Variants in IFRD1 observed in about 807,000 individuals in gnomAD.
IFRD1 encodes the protein interferon related developmental regulator 1.
A neutral mutation model predicts 52.9 loss-of-function variants in IFRD1; 35 were observed. The ratio of observed to expected loss-of-function variants is 0.66; its 90% confidence interval spans 0.51 to 0.88. The LOEUF (loss-of-function observed/expected upper bound fraction) is 0.88. Among genes scored for constraint, IFRD1 ranks in the 40% least tolerant of loss-of-function variants. The probability of loss-of-function intolerance (pLI) is 0.00; values close to 1 mark genes in which losing one functional copy is unlikely to be tolerated. For synonymous variants in IFRD1, 184 were observed against 188.4 expected, an observed-to-expected ratio of 0.98 and a Z score of 0.19; for missense variants, 517 against 550.8, an observed-to-expected ratio of 0.94 and a Z score of 0.61.
chr7:112,429,912 C>T (rs1794511009), intron 1 of IFRD1, among the ~76,000 whole-genome samples: 1 of 152,174 alleles, frequency 6.6e-6, no homozygotes, highest in Non-Finnish European at 1.5e-5. Context: ...TAGAATGTTA[C>T]TATTAGAAGA....
chr7:112,439,772 A>G (rs1294853961), intron 1 of IFRD1, among the ~76,000 whole-genome samples: 1 of 152,118 alleles, frequency 6.6e-6, no homozygotes, highest in Non-Finnish European at 1.5e-5. Flanking sequence ...AGAATAAACC[A>G]TTTATAAGAG....
chr7:112,462,152 T>C lies in IFRD1; in HGVS notation c.770T>C (p.Ile257Thr). 6.2e-7 allele frequency: 1 copy of C among 1,613,890 alleles called. No individual in the cohort carries two copies. ...ACACTACTGCTGACCATATGCCCAA[T>C]CAATGAAGTGAAGAAAAAGCTTGAG... ...AWTLLLTICP[I>T]NEVKKKLEMH... Residue 257 changes from isoleucine to threonine, a missense_variant, in exon 7 of 12, where the codon ATC becomes ACC. Transcript: ENST00000403825.
At position 112,461,853 on chromosome 7, in the gene IFRD1, T is replaced by TA. The variant is rs201401143; in HGVS notation, c.568-13_568-12insA. On this transcript the variant is annotated splice_polypyrimidine_tract_variant and intron_variant, in intron 5 of 11. Coordinates refer to ENST00000403825, the MANE Select transcript of IFRD1 (RefSeq NM_001550.4). ...AATCATTAATGTCTATATATATATA[T>TA]TTTTTTTTTTAGTGTGCAACTTGCT... 4.6e-3 allele frequency: 2,552 copies of TA among 549,040 alleles called. 2 individuals are homozygous for TA. The highest frequency in any genetic ancestry group is 8.8e-3 in the Middle Eastern group (13 of 1,472). 34.0% of individuals were successfully genotyped at this position (549,040 alleles called of 1,614,324 possible).
At chr7:112,451,897 C>G (rs1795175531) in intron 1 of IFRD1, among the ~76,000 whole-genome samples, 1 of 152,074 alleles carries the variant, frequency 6.6e-6, no homozygotes, top group Non-Finnish European at 1.5e-5. Context: ...TGCCTTTGTT[C>G]ACAAGAAAAG....
chr7:112,455,945 A>AT (rs1795281098), intron 2 of IFRD1, 57 bp from the exon 3 acceptor site: 1 of 1,440,656 alleles, frequency 6.9e-7, no homozygotes, highest in Admixed American at 1.7e-5. Context: ...AAAGTATACT[A>AT]TTATTCCCTG....
chr7:112,473,309 T>C (rs1795811745), intron 11 of IFRD1, among the ~76,000 whole-genome samples: 1 of 152,196 alleles, frequency 6.6e-6, no homozygotes, highest in Non-Finnish European at 1.5e-5. Flanking sequence ...TAAGAATAAG[T>C]ATTTACATAG....
intron 1 of IFRD1, among the ~76,000 whole-genome samples, chr7:112,437,995 G>A (rs1794752550): frequency 6.6e-6 from 1 of 152,210 alleles, no homozygotes; most frequent in African/African-American, 2.4e-5. Flanking sequence ...TAATGCCAAA[G>A]AAGAAACAGG....
At chr7:112,446,534 G>C (rs907757960), upstream of IFRD1, among the ~76,000 whole-genome samples, 1 of 152,192 alleles carries the variant, frequency 6.6e-6, no homozygotes, top group East Asian at 1.9e-4. Flanking sequence ...TAAGTAGTGC[G>C]ATGTACTTTG....
At chr7:112,446,282 G>T (rs1479583279), upstream of IFRD1, 1 of 221,834 alleles carries the variant, frequency 4.5e-6, no homozygotes, top group South Asian at 7.1e-5. Context: ...AGATGAAGGC[G>T]ACTTATTTTG....
intron 1 of IFRD1, chr7:112,452,114 A>G (rs1220114536): frequency 2.0e-6 from 2 of 982,014 alleles, no homozygotes; most frequent in Non-Finnish European, 2.4e-6. Flanking sequence ...AAAATATGTA[A>G]TTTATTGTGG....
chr7:112,454,018 T>G (rs906164169), intron 1 of IFRD1, among the ~76,000 whole-genome samples: 1 of 152,204 alleles, frequency 6.6e-6, no homozygotes, highest in African/African-American at 2.4e-5. Flanking sequence ...CGGTCACTTT[T>G]GGGGCAGAAT....
chr7:112,438,783 C>A (rs1302140727), intron 1 of IFRD1, among the ~76,000 whole-genome samples: 1 of 151,990 alleles, frequency 6.6e-6, no homozygotes, highest in Non-Finnish European at 1.5e-5. Context: ...TGTTTTATTC[C>A]CTCAGTTTTT....
chr7:112,427,907 G>T (rs1487380375), intron 1 of IFRD1, among the ~76,000 whole-genome samples: 1 of 152,140 alleles, frequency 6.6e-6, no homozygotes, highest in East Asian at 1.9e-4. Flanking sequence ...CTATAAACAG[G>T]TCCTTTTAAC....
intron 1 of IFRD1, among the ~76,000 whole-genome samples, chr7:112,438,673 G>T (rs1025346871): frequency 6.6e-6 from 1 of 152,008 alleles, no homozygotes; most frequent in Non-Finnish European, 1.5e-5. Flanking sequence ...TACCTCCTTC[G>T]CCAAAAAAGA....
chr7:112,462,273 T>C lies in IFRD1; in HGVS notation c.801T>C (p.His267=). 6.2e-7 allele frequency: 1 copy of C among 1,613,424 alleles called. No homozygotes were observed. The highest frequency in any genetic ancestry group is 2.2e-5 in the East Asian group (1 of 44,874). The change falls in exon 8 of 12, where the codon CAT becomes CAC. Residue 267 remains histidine, a synonymous_variant. Transcript: ENST00000403825. The stretch of plus-strand genomic sequence containing the variant: ...GTAATGACTAACTATTTTTTAGGCA[T>C]TTCCATAAGCTTCCAAGCCTCCTCT... The part of the protein sequence containing the change: ...INEVKKKLEM[H]FHKLPSLLSC...
chr7:112,465,790 T>C (rs556169661), intron 8 of IFRD1, among the ~76,000 whole-genome samples: 2 of 152,312 alleles, frequency 1.3e-5, no homozygotes, highest in East Asian at 3.9e-4. Flanking sequence ...AATATGGTAT[T>C]AAACTGCCTC....
At chr7:112,450,931 C>T (rs537904147) in intron 1 of IFRD1, 149 bp downstream of exon 1, 5 of 688,812 alleles carry the variant, frequency 7.3e-6, no homozygotes, top group African/African-American at 3.5e-5. Context: ...CTACAATTCC[C>T]AGCGTGCCCT....
chr7:112,452,406 C>T (rs1260083301), intron 1 of IFRD1: 1 of 944,102 alleles, frequency 1.1e-6, no homozygotes, highest in African/African-American at 1.8e-5. Context: ...ATCTTCCTGC[C>T]TAAGCCTCCC....
Position 112,462,434 on chromosome 7 carries a change from C to T in IFRD1, c.906+56C>T, listed in dbSNP as rs571338414. Reference sequence around the variant, plus strand: ...TGTGTCACAAGGCCCATTGTTCCATCATTACCTTGCAATTGAGAATTGGGC... The same window carrying T: ...TGTGTCACAAGGCCCATTGTTCCATTATTACCTTGCAATTGAGAATTGGGC... On this transcript the variant is annotated intron_variant, in intron 8 of 11. Coordinates refer to ENST00000403825, the MANE Select transcript of IFRD1 (RefSeq NM_001550.4). 62 of 1,167,096 alleles carry T rather than the reference C, an allele frequency of 5.3e-5. 1 individual carries two copies. The South Asian group carries it at 7.3e-4, about 14-fold the overall frequency. 72.3% of individuals were successfully genotyped at this position (1,167,096 alleles called of 1,614,324 possible).
Sources: allele counts gnomAD v4.1 joint callset (sites outside exome capture counted in the v4.1 genomes callset), GRCh38; gene constraint gnomAD v4.1.1; transcripts MANE v1.5; gene names NCBI Gene and HGNC (gene_info 2026-07-23, HGNC 2026-07-21).